Variants in CSMD1 observed in about 807,000 individuals in gnomAD.
CSMD1 encodes CUB and sushi domain-containing protein 1.
In CSMD1, 213 loss-of-function variants were observed where a neutral mutation model predicts 417.5. The observed-to-expected ratio is 0.51, with a 90% confidence interval of 0.46 to 0.57. The LOEUF is 0.57. CSMD1 is among the 20% of genes least tolerant of loss of function. The pLI, the probability that CSMD1 is intolerant of heterozygous loss-of-function variation, is 0.00. For missense variants in CSMD1, 6,923 were observed against 4,529.7 expected (o/e 1.53, Z -15.17); for synonymous variants, 2,862 against 1,736.8 (o/e 1.65, Z -16.11).
At chr8:3,535,446 T>C (rs1171793460) in intron 10 of CSMD1, among the ~76,000 whole-genome samples, 3 of 152,136 alleles carry the variant, frequency 2.0e-5, no homozygotes, top group Non-Finnish European at 4.4e-5. Flanking sequence ...TCCATCCACA[T>C]TGCTGCAAAA....
chr8:3,359,016 G>C (rs979450535), intron 21 of CSMD1, 136 bp downstream of exon 21: 1 of 729,238 alleles, frequency 1.4e-6, no homozygotes, highest in African/African-American at 1.8e-5. Flanking sequence ...CCCCTGGTTG[G>C]CAGAGTGGAG....
intron 3 of CSMD1, among the ~76,000 whole-genome samples, chr8:4,094,715 G>T (rs968986045): frequency 6.6e-6 from 1 of 152,156 alleles, no homozygotes; most frequent in Non-Finnish European, 1.5e-5. Flanking sequence ...GAGAGACAGG[G>T]CAGTGGGGAG....
At chr8:4,643,794 A>G (rs914916938) in intron 1 of CSMD1, among the ~76,000 whole-genome samples, 2 of 152,190 alleles carry the variant, frequency 1.3e-5, no homozygotes, top group Admixed American at 1.3e-4. Context: ...GAAAATAATT[A>G]ATTGTGGAAG....
chr8:3,554,961 C>A (rs531334630), intron 10 of CSMD1, among the ~76,000 whole-genome samples: 4 of 151,972 alleles, frequency 2.6e-5, no homozygotes, highest in Non-Finnish European at 5.9e-5. Context: ...AAGAGAAGCC[C>A]AGACACCTGG....
intron 30 of CSMD1, among the ~76,000 whole-genome samples, chr8:3,210,465 T>C (rs1191845175): frequency 6.7e-6 from 1 of 149,204 alleles, no homozygotes; most frequent in Non-Finnish European, 1.5e-5. Context: ...TATATATATA[T>C]AGGAATATAC....
At chr8:4,359,992 C>A in intron 3 of CSMD1, among the ~76,000 whole-genome samples, 1 of 152,348 alleles carries the variant, frequency 6.6e-6, no homozygotes, top group Admixed American at 6.5e-5. Flanking sequence ...CCAAATGCCA[C>A]TGCCATCCCA....
chr8:3,568,926 G>T lies in CSMD1; in HGVS notation c.1344+6019C>A, dbSNP rs142699223. Among the ~76,000 whole-genome samples the T allele has an allele frequency of 2.6e-3, 402 of 152,110 alleles. 4 individuals carry two copies. Among genetic ancestry groups the T allele is most frequent in the African/African-American group, 9.3e-3 (387 of 41,532 alleles). On this transcript the variant is annotated intron_variant, in intron 10 of 69. Transcript: ENST00000635120. ...AGACCCCAGGGATAAACTTTTGAGA[G>T]AATTTTATCTTAATTACTATAACAC...
intron 1 of CSMD1, among the ~76,000 whole-genome samples, chr8:4,916,185 C>A (rs1806056301): frequency 1.3e-5 from 2 of 152,274 alleles, no homozygotes; most frequent in African/African-American, 4.8e-5. Context: ...GAGTCCTCTC[C>A]ATGGGAGCAT....
chr8:3,235,100 T>C (rs58001830), intron 26 of CSMD1, among the ~76,000 whole-genome samples: 3,862 of 152,230 alleles, frequency 0.025, 158 homozygotes, highest in African/African-American at 0.088. Flanking sequence ...GGTTAAAAAA[T>C]TAACAATAAG....
intron 7 of CSMD1, among the ~76,000 whole-genome samples, chr8:3,657,704 G>A (rs190325155): frequency 6.6e-6 from 1 of 152,120 alleles, no homozygotes; most frequent in African/African-American, 2.4e-5. Context: ...AGTGGGTAGG[G>A]GGCTAGGGGA....
At chr8:3,456,468 A>G (rs1336938726) in intron 12 of CSMD1, among the ~76,000 whole-genome samples, 3 of 152,146 alleles carry the variant, frequency 2.0e-5, no homozygotes, top group Admixed American at 6.5e-5. Flanking sequence ...TTCTAATACA[A>G]TTTAGAAAAT....
chr8:4,111,643 A>G (rs1270956061), intron 3 of CSMD1, among the ~76,000 whole-genome samples: 1 of 152,206 alleles, frequency 6.6e-6, no homozygotes, highest in African/African-American at 2.4e-5. Flanking sequence ...GTTAGAAGCC[A>G]TTATCTTCAG....
At chr8:3,360,007 T>TC (rs1489695296) in intron 20 of CSMD1, among the ~76,000 whole-genome samples, 3 of 152,186 alleles carry the variant, frequency 2.0e-5, no homozygotes, top group Non-Finnish European at 4.4e-5. Context: ...ACTGTATCCC[T>TC]CCCAAAGGTG....
At chr8:3,072,403 C>G (rs1056935261) in intron 49 of CSMD1, among the ~76,000 whole-genome samples, 1 of 152,154 alleles carries the variant, frequency 6.6e-6, no homozygotes, top group African/African-American at 2.4e-5. Flanking sequence ...TAAGAACAAG[C>G]TTCAGAATTT....
intron 18 of CSMD1, among the ~76,000 whole-genome samples, chr8:3,386,564 T>G (rs1040817589): frequency 6.6e-6 from 1 of 152,184 alleles, no homozygotes; most frequent in African/African-American, 2.4e-5. Context: ...ACCCTGTTAT[T>G]TTGGGTGCTC....
intron 3 of CSMD1, among the ~76,000 whole-genome samples, chr8:4,063,844 T>A (rs1409399980): frequency 1.3e-5 from 2 of 152,246 alleles, no homozygotes; most frequent in African/African-American, 4.8e-5. Flanking sequence ...GAACCAGGAG[T>A]AGACTATGAC....
chr8:3,377,909 C>G (rs1037071627), intron 18 of CSMD1, among the ~76,000 whole-genome samples: 25 of 152,194 alleles, frequency 1.6e-4, no homozygotes, highest in African/African-American at 3.4e-4. Context: ...TTATCTCTCT[C>G]TCTCTTTCTA....
intron 1 of CSMD1, among the ~76,000 whole-genome samples, chr8:4,802,656 G>A (rs564292391): frequency 1.3e-5 from 2 of 152,136 alleles, no homozygotes; most frequent in South Asian, 4.2e-4. Context: ...CCATGCTTCT[G>A]ATAACTTTGT....
At chr8:3,922,078 T>G (rs952725311) in intron 5 of CSMD1, among the ~76,000 whole-genome samples, 2 of 152,184 alleles carry the variant, frequency 1.3e-5, no homozygotes, top group Non-Finnish European at 2.9e-5. Context: ...TGGGTGCATA[T>G]ATAATTTTAT....
Sources: allele counts gnomAD v4.1 joint callset (sites outside exome capture counted in the v4.1 genomes callset), GRCh38; gene constraint gnomAD v4.1.1; transcripts MANE v1.5; gene names NCBI Gene and HGNC (gene_info 2026-07-23, HGNC 2026-07-21).